Variants in SAMD4B observed in about 807,000 individuals in gnomAD.
SAMD4B encodes sterile alpha motif domain containing 4B.
A neutral mutation model predicts 74.5 loss-of-function variants in SAMD4B; 5 were observed. That is an observed-to-expected ratio of 0.07 (90% CI 0.04 to 0.14). SAMD4B has a LOEUF of 0.14. Ranked by LOEUF, SAMD4B falls within the 10% of genes least tolerant of loss-of-function variation. The probability of loss-of-function intolerance (pLI) is 1.00; values close to 1 mark genes in which losing one functional copy is unlikely to be tolerated. For missense variants in SAMD4B, 608 were observed against 921.8 expected, an observed-to-expected ratio of 0.66 and a Z score of 4.41; for synonymous variants, 373 against 374.9, an observed-to-expected ratio of 1.00 and a Z score of 0.06.
intron 1 of SAMD4B, among the ~76,000 whole-genome samples, chr19:39,342,964 C>G (rs1033777442): frequency 6.6e-6 from 1 of 151,710 alleles, no homozygotes; most frequent in African/African-American, 2.4e-5. Flanking sequence ...GTGGAGTCGC[C>G]TCCTCGAGCC....
At chr19:39,390,142 C>G, downstream of SAMD4B, 1 of 1,614,108 alleles carries the variant, frequency 6.2e-7, no homozygotes, top group Non-Finnish European at 8.5e-7. Context: ...CAGTACTTGA[C>G]TCGGCAGACC....
chr19:39,390,180 C>T (rs1325349318), downstream of SAMD4B: 4 of 1,612,900 alleles, frequency 2.5e-6, no homozygotes, highest in Non-Finnish European at 2.5e-6. Context: ...ATTAGTGGCT[C>T]AAAAGTGGGC....
intron 3 of SAMD4B, among the ~76,000 whole-genome samples, chr19:39,368,745 C>G (rs1232017345): frequency 6.6e-6 from 1 of 152,208 alleles, no homozygotes; most frequent in East Asian, 1.9e-4. Context: ...TGTCGCCAAA[C>G]CACTTTGTGT....
chr19:39,342,777 T>C (rs1320858557), intron 1 of SAMD4B, among the ~76,000 whole-genome samples: 1 of 151,296 alleles, frequency 6.6e-6, no homozygotes, highest in East Asian at 2.0e-4. Context: ...CCAGTCTCCC[T>C]CCTGGGCCCT....
chr19:39,359,824 A>C (rs1451899459), intron 3 of SAMD4B: 1 of 152,200 alleles, frequency 6.6e-6, no homozygotes, highest in Admixed American at 6.5e-5. Context: ...AGTACCCTTT[A>C]AACATCTCTA....
At position 39,383,603 on chromosome 19, in the gene SAMD4B, G is replaced by A. The variant is rs2078136874; in HGVS notation, c.*76G>A. On this transcript the variant is annotated 3_prime_UTR_variant, in exon 14 of 14. Coordinates refer to ENST00000610417, the MANE Select transcript of SAMD4B (RefSeq NM_001384574.2). The surrounding 1 kb of genome is among the most constrained non-coding windows in gnomAD (Gnocchi z 4.1). The stretch of plus-strand genomic sequence containing the variant: ...GCCAACCCCCAACGGGCTTCTCCGC[G>A]ACAGCGAGAGGGTGGGCTGGCTCAG... 7 of 1,613,810 alleles carry A rather than the reference G, an allele frequency of 4.3e-6. No individual in the cohort carries two copies. Among genetic ancestry groups the A allele is most frequent in the Middle Eastern group, 1.6e-4 (1 of 6,062 alleles).
chr19:39,366,405 G>A (rs1417693827), intron 3 of SAMD4B, among the ~76,000 whole-genome samples: 2 of 152,106 alleles, frequency 1.3e-5, no homozygotes, highest in African/African-American at 4.8e-5. Context: ...CGGAGGCGGA[G>A]GTTGCAGTGA....
intron 1 of SAMD4B, among the ~76,000 whole-genome samples, chr19:39,344,044 A>G (rs961458285): frequency 2.4e-5 from 3 of 126,520 alleles, no homozygotes; most frequent in Non-Finnish European, 3.3e-5. Context: ...AGCCCTCCTG[A>G]CGTATGTTCT....
At chr19:39,389,650 G>A (rs750632862), downstream of SAMD4B, 9 of 1,614,094 alleles carry the variant, frequency 5.6e-6, no homozygotes, top group East Asian at 4.5e-5. The surrounding 1 kb of genome is among the most constrained non-coding windows in gnomAD (Gnocchi z 5.3). Context: ...CATTGGGGTC[G>A]ATGCGGTAGG....
chr19:39,356,813 CAGG>C lies in SAMD4B; in HGVS notation c.-77_-75del. 3 of 1,239,572 alleles carry C rather than the reference CAGG, an allele frequency of 2.4e-6. No homozygotes were observed. Among genetic ancestry groups the C allele is most frequent in the Non-Finnish European group, 3.3e-6 (3 of 899,926 alleles). The allele number at this position is 1,239,572 out of a possible 1,614,324, so 76.8% of individuals were successfully genotyped here. On this transcript the variant is annotated 5_prime_UTR_variant, in exon 3 of 14. Transcript: ENST00000610417. ...GCCCTGGCCCTCAGGGGAAAGGTAA[CAGG>C]AGGCCAGAGCCGGGACCATGTGACG... is the stretch of plus-strand genomic sequence containing the variant.
intron 1 of SAMD4B, among the ~76,000 whole-genome samples, chr19:39,346,789 TC>T (rs2075729941): frequency 6.6e-6 from 1 of 152,162 alleles, no homozygotes; most frequent in Non-Finnish European, 1.5e-5. Context: ...AGGATTTGTA[TC>T]CCACATTACC....
chr19:39,387,431 TG>T (rs1198658259), downstream of SAMD4B, among the ~76,000 whole-genome samples: 1 of 152,226 alleles, frequency 6.6e-6, no homozygotes, highest in Non-Finnish European at 1.5e-5. Context: ...TTGGGGCTTT[TG>T]GAAGATAGGA....
chr19:39,390,679 T>A, downstream of SAMD4B: 1 of 881,404 alleles, frequency 1.1e-6, no homozygotes, highest in Non-Finnish European at 1.8e-6. Context: ...AACACCTGAA[T>A]CTCAGAAGGA....
chr19:39,347,270 C>A (rs1279940643), intron 1 of SAMD4B, among the ~76,000 whole-genome samples: 1 of 152,174 alleles, frequency 6.6e-6, no homozygotes, highest in Non-Finnish European at 1.5e-5. Context: ...CCTTGGAAAG[C>A]CTTAGTGGAA....
chr19:39,357,578 G>T (rs750439382), intron 3 of SAMD4B, among the ~76,000 whole-genome samples: 1 of 152,220 alleles, frequency 6.6e-6, no homozygotes, highest in Non-Finnish European at 1.5e-5. Context: ...AGTTCATCCT[G>T]TCAGTTCCCT....
downstream of SAMD4B, chr19:39,389,089 T>C: frequency 1.9e-6 from 3 of 1,613,034 alleles, no homozygotes; most frequent in Non-Finnish European, 2.5e-6. This position sits in a 1 kb window ranked among gnomAD's most constrained non-coding sequence, Gnocchi z 5.3. Context: ...AGTCCCTCAA[T>C]TACTGATTTC....
chr19:39,386,865 C>CTCACTGGGGGGCGGGGAAGTGGGA, downstream of SAMD4B: 1 of 1,082,050 alleles, frequency 9.2e-7, no homozygotes, highest in Non-Finnish European at 1.4e-6. This position sits in a 1 kb window ranked among gnomAD's most constrained non-coding sequence, Gnocchi z 6.1. Flanking sequence ...CCCACTTCCC[C>CTCACTGGGGGGCGGGGAAGTGGGA]GCCCCCCAGT....
intron 1 of SAMD4B, among the ~76,000 whole-genome samples, chr19:39,346,424 A>C (rs2075706778): frequency 6.6e-6 from 1 of 152,196 alleles, no homozygotes; most frequent in Admixed American, 6.5e-5. Context: ...GAGATGAAAG[A>C]AGACAGATTT....
intron 12 of SAMD4B, among the ~76,000 whole-genome samples, chr19:39,381,590 T>G (rs62119722): frequency 0.012 from 1,825 of 152,202 alleles, 11 homozygotes; most frequent in Non-Finnish European, 0.019. Flanking sequence ...AACAGGTGTT[T>G]GAAGTGAGAG....
Sources: allele counts gnomAD v4.1 joint callset (sites outside exome capture counted in the v4.1 genomes callset), GRCh38; gene constraint gnomAD v4.1.1; non-coding constraint Gnocchi (gnomAD v3.1); transcripts MANE v1.5; gene names NCBI Gene and HGNC (gene_info 2026-07-23, HGNC 2026-07-21).